TSPAN33: variants seen among roughly 807,000 people sequenced by gnomAD.
The protein encoded by TSPAN33 is tetraspanin-33.
A neutral mutation model predicts 34.8 loss-of-function variants in TSPAN33; 27 were observed. The ratio of observed to expected loss-of-function variants is 0.78; its 90% CI spans 0.57 to 1.07. The LOEUF (loss-of-function observed/expected upper bound fraction) is 1.07. Among genes scored for constraint, TSPAN33 ranks in the 50% least tolerant of loss-of-function variants. TSPAN33 has a pLI of 0.00. For synonymous variants in TSPAN33, 119 were observed against 124.2 expected, an observed-to-expected ratio of 0.96 and a Z score of 0.28; for missense variants, 272 against 324.9, an observed-to-expected ratio of 0.84 and a Z score of 1.25.
chr7:129,161,885 A>C (rs1584639602), intron 2 of TSPAN33, 149 bp downstream of exon 2: 1 of 867,100 alleles, frequency 1.2e-6, no homozygotes. Flanking sequence ...TAGGTGTCAG[A>C]CCCCCCCAGG....
chr7:129,168,075 A>C lies in TSPAN33; in HGVS notation c.*201A>C. On this transcript the variant is annotated 3_prime_UTR_variant, in exon 8 of 8. Coordinates refer to ENST00000486685, the MANE Select transcript of TSPAN33 (RefSeq NM_178562.5). The stretch of plus-strand genomic sequence containing the variant: ...CAGGAGGATGCGCCTCCTCTCCCCC[A>C]TCCCAGCCCTCAGCATTGTGCCAGA... The C allele has an allele frequency of 4.8e-6, 5 of 1,042,324 alleles. No homozygotes were observed. The highest frequency in any genetic ancestry group is 6.7e-6 in the Non-Finnish European group (5 of 745,986). The allele number at this position is 1,042,324 out of a possible 1,614,324, so 64.6% of individuals were successfully genotyped here.
At position 129,167,499 on chromosome 7, in the gene TSPAN33, A is replaced by G. The variant is rs745501252; in HGVS notation, c.689A>G (p.Asn230Ser). The G allele has an allele frequency of 4.3e-6, 7 of 1,614,242 alleles. No individual in the cohort carries two copies. Among genetic ancestry groups the G allele is most frequent in the Non-Finnish European group, 3.4e-6 (4 of 1,180,040 alleles). The part of the protein sequence containing the change: ...YTNGCIDKLV[N>S]WIHSNLFLLG... ...AATGGCTGTATTGACAAGTTGGTCA[A>G]CTGGATACACAGCAACCTATTCTTA... Residue 230 changes from asparagine (N) to serine (S), a missense_variant, in exon 7 of 8, where the codon AAC becomes AGC. By Grantham distance (46) the Asn-to-Ser change is conservative. Coordinates refer to ENST00000486685, the MANE Select transcript of TSPAN33 (RefSeq NM_178562.5). This position sits in a 1 kb window ranked among gnomAD's most constrained non-coding sequence, Gnocchi z 4.6.
intron 1 of TSPAN33, among the ~76,000 whole-genome samples, chr7:129,145,538 T>C (rs1455935877): frequency 1.3e-5 from 2 of 151,944 alleles, no homozygotes; most frequent in African/African-American, 4.8e-5. Flanking sequence ...CTCTTCCTTT[T>C]GCAGGCCTCA....
At chr7:129,162,703 G>A in intron 3 of TSPAN33, 130 bp from the exon 4 acceptor site, 1 of 1,398,736 alleles carries the variant, frequency 7.1e-7, no homozygotes. Flanking sequence ...CAGTGTCCCA[G>A]AGGCAGCTGC....
intron 1 of TSPAN33, among the ~76,000 whole-genome samples, chr7:129,160,166 G>A (rs1793027036): frequency 6.6e-6 from 1 of 152,214 alleles, no homozygotes; most frequent in African/African-American, 2.4e-5. Context: ...AGATGGCAGA[G>A]GACCTTCAAC....
Position 129,167,259 on chromosome 7 carries a change from C to T in TSPAN33, c.589-140C>T. The stretch of plus-strand genomic sequence containing the variant: ...CAGAGGAAGGGAAGTCTGCATTTGG[C>T]AACTTCCAACCCAATATCCTCCACA... On this transcript the variant is annotated intron_variant, in intron 6 of 7. Transcript: ENST00000486685. This position sits in a 1 kb window ranked among gnomAD's most constrained non-coding sequence, Gnocchi z 4.6. 1.8e-6 allele frequency: 2 copies of T among 1,082,912 alleles called. No individual in the cohort carries two copies. Among genetic ancestry groups the T allele is most frequent in the South Asian group, 1.6e-5 (1 of 61,314 alleles). 67.1% of individuals were successfully genotyped at this position (1,082,912 alleles called of 1,614,324 possible). A position where few individuals can be genotyped will look rare whatever the true frequency, so the allele number is the denominator to read the frequency against.
intron 3 of TSPAN33, 66 bp from the exon 4 acceptor site, chr7:129,162,767 C>G: frequency 6.4e-7 from 1 of 1,567,302 alleles, no homozygotes; most frequent in East Asian, 2.2e-5. Context: ...CCAGCATCCC[C>G]TTGGCCCTGG....
In TSPAN33 at chr7:129,162,470, C is replaced by A; in HGVS notation, c.237C>A (p.Thr79=). The A allele has an allele frequency of 6.2e-7, 1 of 1,613,968 alleles. No homozygotes were observed. Among genetic ancestry groups the A allele is most frequent in the Middle Eastern group, 1.6e-4 (1 of 6,062 alleles). ...TGGGTGTCCTCATGTTCCTGCTCAC[C>A]TTCTGTGGCTGCATTGGGTCCCTCC... The part of the protein sequence containing the change: ...IVVGVLMFLL[T]FCGCIGSLRE... Residue 79 remains threonine, a synonymous_variant, in exon 3 of 8, where the codon ACC becomes ACA. Coordinates refer to ENST00000486685, the MANE Select transcript of TSPAN33 (RefSeq NM_178562.5).
chr7:129,149,076 A>G (rs1810557407), intron 1 of TSPAN33, among the ~76,000 whole-genome samples: 2 of 152,044 alleles, frequency 1.3e-5, no homozygotes, highest in African/African-American at 4.8e-5. Flanking sequence ...TTCCCCATAG[A>G]CTTGGCTGGC....
chr7:129,145,740 T>A (rs1332189928), intron 1 of TSPAN33, among the ~76,000 whole-genome samples: 2 of 151,504 alleles, frequency 1.3e-5, no homozygotes, highest in Non-Finnish European at 2.9e-5. Flanking sequence ...GGGCCAGGGG[T>A]CCTTTCAGAA....
rs113335995 is a variant in TSPAN33 at position 129,158,006 on chromosome 7, G to A, written c.103-3673G>A. On this transcript the variant is annotated intron_variant, in intron 1 of 7. Transcript: ENST00000486685. Reference sequence around the variant, plus strand: ...CGCTGGGCTAAAATACAGCAGCCCCGCATTCCTTCGGGAAGTGCTAGGAAG... The same window carrying A: ...CGCTGGGCTAAAATACAGCAGCCCCACATTCCTTCGGGAAGTGCTAGGAAG... 3.5e-3 allele frequency among the ~76,000 whole-genome samples: 536 copies of A among 152,290 alleles called. 2 individuals carry two copies. The highest frequency in any genetic ancestry group is 0.012 in the African/African-American group (502 of 41,532).
At position 129,169,469 on chromosome 7, in the gene TSPAN33, C is replaced by T. The variant is rs1429768992; in HGVS notation, c.*1595C>T. 2 of 152,282 alleles carry T rather than the reference C, an allele frequency of 1.3e-5. No individual in the cohort carries two copies. The highest frequency in any genetic ancestry group is 2.4e-5 in the African/African-American group (1 of 41,456). 9.4% of individuals were successfully genotyped at this position (152,282 alleles called of 1,614,324 possible). ...CCCGGAGTCTCCTCGCCGCACCCCG[C>T]TATCGGGCGCTCAGACCAGGGGCTC... On this transcript the variant is annotated 3_prime_UTR_variant, in exon 8 of 8. Transcript: ENST00000486685.
At position 129,148,757 on chromosome 7, in the gene TSPAN33, T is replaced by C. The variant is rs190902372; in HGVS notation, c.102+3675T>C. On this transcript the variant is annotated intron_variant, in intron 1 of 7. Coordinates refer to ENST00000486685, the MANE Select transcript of TSPAN33 (RefSeq NM_178562.5). This position sits in a 1 kb window ranked among gnomAD's most constrained non-coding sequence, Gnocchi z 4.2. ...ATTTTCTCACTTCCACTGCCACATA[T>C]ATGCACCCTTGTCCAGGTCTTCCCT... Among the ~76,000 whole-genome samples, 3 of 152,264 alleles carry C rather than the reference T, an allele frequency of 2.0e-5. No individual in the cohort carries two copies. Among genetic ancestry groups the C allele is most frequent in the Admixed American group, 6.5e-5 (1 of 15,292 alleles).
chr7:129,156,511 T>C (rs1419971356), intron 1 of TSPAN33, among the ~76,000 whole-genome samples: 1 of 152,178 alleles, frequency 6.6e-6, no homozygotes, highest in African/African-American at 2.4e-5. Context: ...GTAGGAGATT[T>C]GTCTTTTCTC....
intron 1 of TSPAN33, among the ~76,000 whole-genome samples, chr7:129,149,795 C>T (rs182687845): frequency 1.3e-5 from 2 of 152,356 alleles, no homozygotes; most frequent in East Asian, 3.9e-4. Context: ...TCCAGGGGGA[C>T]AGTGTCCCCC....
Position 129,158,756 on chromosome 7 carries a change from CT to C in TSPAN33, c.103-2915del, listed in dbSNP as rs1267709716. On this transcript the variant is annotated intron_variant, in intron 1 of 7. Coordinates refer to ENST00000486685, the MANE Select transcript of TSPAN33 (RefSeq NM_178562.5). ...GTATATATGTACCACATTTTCTTTT[CT>C]TTTTTTTCTTTTGATATAGAGTCTT... Among the ~76,000 whole-genome samples the C allele has an allele frequency of 3.3e-5, 5 of 152,104 alleles. No homozygotes were observed. The East Asian group carries it at 9.6e-4, about 29-fold the overall frequency.
chr7:129,161,868 G>A, intron 2 of TSPAN33, 132 bp downstream of exon 2: 1 of 1,081,972 alleles, frequency 9.2e-7, no homozygotes, highest in Non-Finnish European at 1.4e-6. Context: ...AATCTTCATG[G>A]TCTACGTAGG....
chr7:129,147,242 G>T (rs769625608), intron 1 of TSPAN33, among the ~76,000 whole-genome samples: 1 of 152,162 alleles, frequency 6.6e-6, no homozygotes, highest in Non-Finnish European at 1.5e-5. Flanking sequence ...GTGACCCTAA[G>T]CCAATGTATC....
chr7:129,161,903 C>G (rs1460948254), intron 2 of TSPAN33, among the ~76,000 whole-genome samples, 167 bp downstream of exon 2: 1 of 152,220 alleles, frequency 6.6e-6, no homozygotes. Context: ...AGGCCAGTGC[C>G]CCTGGATTTC....
Sources: gnomAD v4.1 joint callset for allele counts (sites outside exome capture counted in the v4.1 genomes callset) on GRCh38, gnomAD v4.1.1 for gene constraint, Gnocchi (gnomAD v3.1) non-coding constraint, MANE v1.5 for transcripts, NCBI Gene and HGNC (gene_info 2026-07-23, HGNC 2026-07-21) for gene names.